UBE3D: variants seen among roughly 807,000 people sequenced by gnomAD.
UBE3D encodes ubiquitin protein ligase E3D.
A neutral mutation model predicts 49.6 loss-of-function variants in UBE3D; 48 were observed. The ratio of observed to expected loss-of-function variants is 0.97; its 90% confidence interval spans 0.77 to 1.23. The LOEUF (loss-of-function observed/expected upper bound fraction) is 1.23. Ranked by LOEUF, UBE3D falls within the 50% of genes most tolerant of loss-of-function variation. The pLI is 0.00. For missense variants in UBE3D, 452 were observed against 468.4 expected, an observed-to-expected ratio of 0.96 and a Z score of 0.32; for synonymous variants, 189 against 174.2, an observed-to-expected ratio of 1.08 and a Z score of -0.67.
chr6:82,965,051 C>T (rs1776811562), intron 8 of UBE3D, among the ~76,000 whole-genome samples: 1 of 152,104 alleles, frequency 6.6e-6, no homozygotes, highest in African/African-American at 2.4e-5. Context: ...TTTAAGTACA[C>T]AATTCCTGAA....
At chr6:82,895,645 A>C (rs919271914) in intron 9 of UBE3D, among the ~76,000 whole-genome samples, 1 of 152,188 alleles carries the variant, frequency 6.6e-6, no homozygotes, top group African/African-American at 2.4e-5. Context: ...GCACAGTCCT[A>C]TGGTTTAGTA....
At chr6:82,885,865 T>C in the UBE3D span, among the ~76,000 whole-genome samples, 1 of 152,086 alleles carries the variant, frequency 6.6e-6, no homozygotes, top group Non-Finnish European at 1.5e-5. Flanking sequence ...TCTTCCAGAG[T>C]GTCTTATTCT....
rs1772092715 is a variant in UBE3D, at chr6:82,906,258, C to A, written c.1150-13216G>T. Among the ~76,000 whole-genome samples the A allele has an allele frequency of 2.0e-5, 3 of 151,790 alleles. No homozygotes were observed. In the Admixed American group the frequency reaches 2.0e-4, roughly 10 times the overall value. Reference sequence around the variant, plus strand: ...GGTCCCTCTTCCTTCCCTTTTTCTCCATTTGCAATTTGTGTTTCAAAGAAA... The same window carrying A: ...GGTCCCTCTTCCTTCCCTTTTTCTCAATTTGCAATTTGTGTTTCAAAGAAA... On this transcript the variant is annotated intron_variant, in intron 9 of 9. Transcript: ENST00000369747.
In UBE3D at chr6:82,892,914, C is replaced by T. The variant is rs1771039998; in HGVS notation, c.*108G>A. 1 of 1,276,634 alleles carries T rather than the reference C, an allele frequency of 7.8e-7. No homozygotes were observed. The highest frequency in any genetic ancestry group is 1.7e-5 in the Admixed American group (1 of 59,432). The allele number at this position is 1,276,634 out of a possible 1,614,324, so 79.1% of individuals were successfully genotyped here. On this transcript the variant is annotated 3_prime_UTR_variant, in exon 10 of 10. Transcript: ENST00000369747. ...TCAATGCAATGCTCTTATCCCATAGCTCTGGTTCTTGTCTTTGTAATTGAT... is the reference window on the plus strand; with the variant it reads ...TCAATGCAATGCTCTTATCCCATAGTTCTGGTTCTTGTCTTTGTAATTGAT...
Position 83,008,640 on chromosome 6 carries a change from A to G in UBE3D, c.1010+10333T>C, listed in dbSNP as rs1410464236. On this transcript the variant is annotated intron_variant, in intron 8 of 9. Transcript: ENST00000369747. ...AAATAAAACCATAGTTACATTTTCT[A>G]TTTTCCTCTTTTAGACTACCATCTG... Among the ~76,000 whole-genome samples, 3 of 152,160 alleles carry G rather than the reference A, an allele frequency of 2.0e-5. No homozygotes were observed. The East Asian group carries it at 5.8e-4, about 29-fold the overall frequency.
chr6:82,933,700 A>G (rs1774334805), intron 9 of UBE3D, among the ~76,000 whole-genome samples: 2 of 152,208 alleles, frequency 1.3e-5, no homozygotes, highest in South Asian at 4.1e-4. Context: ...TTCTACAGAT[A>G]CGAAATGAAA....
In UBE3D at chr6:82,989,365, T is replaced by C. The variant is rs561919600; in HGVS notation, c.1010+29608A>G. ...TAATGTGTTACTTACCTGGGGACAG[T>C]TGGCTACATGGCATCTAGTATATTC... On this transcript the variant is annotated intron_variant, in intron 8 of 9. Transcript: ENST00000369747. 3.2e-4 allele frequency among the ~76,000 whole-genome samples: 48 copies of C among 152,184 alleles called. 1 individual carries two copies. The South Asian group carries it at 9.3e-3, about 30-fold the overall frequency.
intron 9 of UBE3D, among the ~76,000 whole-genome samples, chr6:82,908,434 G>C (rs1263172340): frequency 6.6e-6 from 1 of 152,030 alleles, no homozygotes; most frequent in Non-Finnish European, 1.5e-5. Context: ...TCAATAGTTG[G>C]GTACAATGTA....
intron 9 of UBE3D, among the ~76,000 whole-genome samples, chr6:82,937,103 T>C (rs1774636235): frequency 6.6e-6 from 1 of 152,166 alleles, no homozygotes; most frequent in Admixed American, 6.5e-5. Flanking sequence ...TTCATTCTTG[T>C]TTCCCATGCT....
intron 9 of UBE3D, among the ~76,000 whole-genome samples, chr6:82,953,037 G>T (rs1213240335): frequency 6.6e-6 from 1 of 152,174 alleles, no homozygotes; most frequent in Non-Finnish European, 1.5e-5. Context: ...AGCTGCCATT[G>T]CAGGACTTCA....
chr6:82,936,839 A>T (rs1335631198), intron 9 of UBE3D, among the ~76,000 whole-genome samples: 1 of 152,230 alleles, frequency 6.6e-6, no homozygotes, highest in African/African-American at 2.4e-5. Context: ...TTTTCAGGCT[A>T]GTTTAATCCA....
chr6:82,988,480 T>C (rs1778676016), intron 8 of UBE3D, among the ~76,000 whole-genome samples: 1 of 152,184 alleles, frequency 6.6e-6, no homozygotes, highest in African/African-American at 2.4e-5. Flanking sequence ...AAAAATATTC[T>C]TTAACTGACA....
intron 9 of UBE3D, among the ~76,000 whole-genome samples, chr6:82,906,126 C>T (rs768228183): frequency 3.9e-5 from 6 of 152,142 alleles, no homozygotes; most frequent in Admixed American, 2.0e-4. Context: ...ATTTCTCCAA[C>T]TAGCTCATAC....
intron 8 of UBE3D, among the ~76,000 whole-genome samples, chr6:82,967,131 T>A (rs1776998529): frequency 6.6e-6 from 1 of 152,218 alleles, no homozygotes; most frequent in South Asian, 2.1e-4. Flanking sequence ...CCATTTTAAA[T>A]ATTTAAACCA....
intron 9 of UBE3D, among the ~76,000 whole-genome samples, chr6:82,927,972 C>T (rs1021434983): frequency 2.0e-5 from 3 of 151,920 alleles, no homozygotes; most frequent in Admixed American, 2.0e-4. Flanking sequence ...TTGGTACATA[C>T]ATCATTATAT....
chr6:82,951,526 G>A (rs998685678), intron 9 of UBE3D, among the ~76,000 whole-genome samples: 17 of 152,154 alleles, frequency 1.1e-4, no homozygotes, highest in African/African-American at 3.9e-4. Flanking sequence ...AGACTCTTCT[G>A]GAGCATTCTC....
At chr6:82,992,505 G>A (rs1778962597) in intron 8 of UBE3D, among the ~76,000 whole-genome samples, 1 of 152,136 alleles carries the variant, frequency 6.6e-6, no homozygotes, top group Non-Finnish European at 1.5e-5. Flanking sequence ...TTACAGGCGT[G>A]AGCCACCACG....
chr6:82,905,779 A>C (rs1333027006), intron 9 of UBE3D, among the ~76,000 whole-genome samples: 1 of 152,166 alleles, frequency 6.6e-6, no homozygotes, highest in Non-Finnish European at 1.5e-5. Flanking sequence ...TTTGTTCTCC[A>C]ATAAACCCTT....
Position 83,063,412 on chromosome 6 carries a change from T to TAAAAAA in UBE3D, c.77+2224_77+2229dup, listed in dbSNP as rs201669450. Among the ~76,000 whole-genome samples, 130 of 45,378 alleles carry TAAAAAA rather than the reference T, an allele frequency of 2.9e-3. 1 individual carries two copies. The highest frequency in any genetic ancestry group is 6.3e-3 in the African/African-American group (72 of 11,392). 29.8% of individuals were successfully genotyped at this position (45,378 alleles called of 152,430 possible). On this transcript the variant is annotated intron_variant, in intron 1 of 9. Transcript: ENST00000369747. ...CTGGGCAGTAGAGCAAGACGCTGTC[T>TAAAAAA]AAAAAAAAAAAAAAAAAAAAAAAAA... is the stretch of plus-strand genomic sequence containing the variant.
Sources: gnomAD v4.1 joint callset for allele counts (sites outside exome capture counted in the v4.1 genomes callset) on GRCh38, gnomAD v4.1.1 for gene constraint, MANE v1.5 for transcripts, NCBI Gene and HGNC (gene_info 2026-07-23, HGNC 2026-07-21) for gene names.